Variants in PLCE1 observed in about 807,000 individuals in gnomAD.
PLCE1 encodes phospholipase C epsilon 1.
A neutral mutation model predicts 242.8 loss-of-function variants in PLCE1; 119 were observed. The ratio of observed to expected loss-of-function variants is 0.49; its 90% CI spans 0.42 to 0.57. The LOEUF is 0.57. PLCE1 is among the 20% of genes least tolerant of loss of function. The probability of loss-of-function intolerance (pLI) is 0.00; values close to 1 mark genes in which losing one functional copy is unlikely to be tolerated. For missense variants in PLCE1, 2,441 were observed against 2,788.8 expected, an observed-to-expected ratio of 0.88 and a Z score of 2.81; for synonymous variants, 945 against 1,017.4, an observed-to-expected ratio of 0.93 and a Z score of 1.35.
At position 93,994,057 on chromosome 10, in the gene PLCE1, C is replaced by T. The variant is rs987563942; in HGVS notation, c.-566C>T. ...GCGGGAGGGGCAGCGGCGGCGCGCC[C>T]GGGCTCTACCTCCCGGGCTCTGCCT... On this transcript the variant is annotated 5_prime_UTR_variant, in exon 1 of 33. Transcript: ENST00000371380. Among the ~76,000 whole-genome samples, 1 of 84,668 alleles carries T rather than the reference C, an allele frequency of 1.2e-5. No individual in the cohort carries two copies. Among genetic ancestry groups the T allele is most frequent in the African/African-American group, 3.9e-5 (1 of 25,936 alleles). The allele number at this position is 84,668 out of a possible 152,430, so 55.5% of individuals were successfully genotyped here.
At chr10:94,133,320 T>C (rs2046667522) in intron 3 of PLCE1, among the ~76,000 whole-genome samples, 1 of 152,132 alleles carries the variant, frequency 6.6e-6, no homozygotes, top group Non-Finnish European at 1.5e-5. Flanking sequence ...CATATGAACT[T>C]CCCAGCTACT....
chr10:94,105,979 A>T (rs897003353), intron 2 of PLCE1: 1 of 152,210 alleles, frequency 6.6e-6, no homozygotes, highest in Non-Finnish European at 1.5e-5. Flanking sequence ...TATCATTATT[A>T]CCATTTTACA....
chr10:94,069,713 A>T (rs1589955157), intron 2 of PLCE1, among the ~76,000 whole-genome samples: 1 of 152,354 alleles, frequency 6.6e-6, no homozygotes, highest in African/African-American at 2.4e-5. Context: ...AAGAGTTGGG[A>T]TTTAAGAACC....
In PLCE1 at chr10:94,068,737, G is replaced by A. The variant is rs76321526; in HGVS notation, c.1206+36485G>A. 4.1e-3 allele frequency among the ~76,000 whole-genome samples: 629 copies of A among 152,274 alleles called. 3 individuals are homozygous for A. Among genetic ancestry groups the A allele is most frequent in the African/African-American group, 0.014 (582 of 41,560 alleles). On this transcript the variant is annotated intron_variant, in intron 2 of 32. Transcript: ENST00000371380. Reference sequence around the variant, plus strand: ...ATTTTACAGGTGAGGAAACTGAGGCGCAGAGTGGTTAAGTAAGTTTCACTG... The same window carrying A: ...ATTTTACAGGTGAGGAAACTGAGGCACAGAGTGGTTAAGTAAGTTTCACTG...
At position 94,324,927 on chromosome 10, in the gene PLCE1, C is replaced by T. The variant is rs775767584; in HGVS notation, c.6756C>T (p.Phe2252=). 9.3e-6 allele frequency: 15 copies of T among 1,614,052 alleles called. No individual in the cohort carries two copies. Among genetic ancestry groups the T allele is most frequent in the African/African-American group, 2.7e-5 (2 of 74,932 alleles). ...AAGATAAAAAGAAAGGCATTTCTTT[C>T]GCAAGTGAACTCAAGAAGCTCACCA... The part of the protein sequence containing the change: ...SREDKKKGIS[F]ASELKKLTKS... Residue 2252 remains phenylalanine (F), a synonymous_variant, in exon 32 of 33, where the codon TTC becomes TTT. Coordinates refer to ENST00000371380, the MANE Select transcript of PLCE1 (RefSeq NM_016341.4).
At position 94,258,934 on chromosome 10, in the gene PLCE1, T is replaced by C; in HGVS notation, c.3677+12T>C. The C allele has an allele frequency of 1.2e-6, 2 of 1,614,150 alleles. No individual in the cohort carries two copies. Among genetic ancestry groups the C allele is most frequent in the Non-Finnish European group, 1.7e-6 (2 of 1,179,980 alleles). The stretch of plus-strand genomic sequence containing the variant: ...TTCAAATCATTCAGGTACAGTCTTA[T>C]GTTTCCTTCTTATTCTTTCTCAGGC... On this transcript the variant is annotated intron_variant, in intron 12 of 32. Coordinates refer to ENST00000371380, the MANE Select transcript of PLCE1 (RefSeq NM_016341.4).
intron 4 of PLCE1, among the ~76,000 whole-genome samples, chr10:94,217,096 G>A (rs2049554687): frequency 1.3e-5 from 2 of 150,956 alleles, no homozygotes. Flanking sequence ...AAAAGCACAG[G>A]CTTTTGATTT....
At chr10:94,161,340 A>G (rs2047606511) in intron 3 of PLCE1, among the ~76,000 whole-genome samples, 1 of 152,188 alleles carries the variant, frequency 6.6e-6, no homozygotes, top group Non-Finnish European at 1.5e-5. Context: ...TTCACTGAGC[A>G]GTGGTTTGTA....
intron 1 of PLCE1, among the ~76,000 whole-genome samples, chr10:93,994,598 T>A (rs1052400633): frequency 3.9e-5 from 6 of 152,232 alleles, no homozygotes; most frequent in Non-Finnish European, 7.3e-5. Context: ...TCAAGGAAAG[T>A]GCTCAAGAGA....
At chr10:94,076,126 T>C (rs1005436500) in intron 2 of PLCE1, among the ~76,000 whole-genome samples, 2 of 148,928 alleles carry the variant, frequency 1.3e-5, no homozygotes, top group Admixed American at 1.3e-4. Context: ...TGTGTGTGTG[T>C]GCGTGCGTGT....
intron 3 of PLCE1, among the ~76,000 whole-genome samples, chr10:94,156,993 CT>C (rs1044158222): frequency 1.3e-5 from 2 of 151,780 alleles, no homozygotes; most frequent in Admixed American, 6.6e-5. Context: ...TAAGAACAGC[CT>C]TTTTTTGGTG....
chr10:94,284,835 T>G lies in PLCE1; in HGVS notation c.4918-13T>G, dbSNP rs1394830392. The G allele has an allele frequency of 4.3e-6, 6 of 1,402,582 alleles. No individual in the cohort carries two copies. In the African/African-American group the frequency reaches 8.5e-5, roughly 20 times the overall value. 86.9% of individuals were successfully genotyped at this position (1,402,582 alleles called of 1,614,324 possible). On this transcript the variant is annotated splice_polypyrimidine_tract_variant and intron_variant, in intron 21 of 32. Transcript: ENST00000371380. ...ACCTTCCATGTAAAATGGTATCATT[T>G]TTCCCTTACCAGGTTTATGATATGG...
chr10:94,104,418 C>CACACAGAGATTA (rs1171856504), intron 2 of PLCE1: 1 of 152,154 alleles, frequency 6.6e-6, no homozygotes, highest in Non-Finnish European at 1.5e-5. Context: ...CTGTTTTTCT[C>CACACAGAGATTA]ACACAGAGAT....
chr10:94,131,213 C>T (rs1354328545), intron 2 of PLCE1, among the ~76,000 whole-genome samples: 2 of 152,194 alleles, frequency 1.3e-5, no homozygotes, highest in Non-Finnish European at 2.9e-5. Context: ...TATGTGTCTC[C>T]TCCGTTTGTT....
chr10:94,190,271 C>T (rs535498534), intron 4 of PLCE1, among the ~76,000 whole-genome samples: 128 of 152,168 alleles, frequency 8.4e-4, no homozygotes, highest in African/African-American at 2.9e-3. Context: ...TAGAGCCCAA[C>T]GTTGTCTCAA....
intron 22 of PLCE1, chr10:94,287,052 G>GTCTGT (rs2052475137): frequency 6.6e-6 from 1 of 152,236 alleles, no homozygotes; most frequent in African/African-American, 2.4e-5. Flanking sequence ...CTGTGTGAAA[G>GTCTGT]ATAAAGTCTC....
At chr10:94,164,962 C>T (rs967632036) in intron 3 of PLCE1, among the ~76,000 whole-genome samples, 1 of 152,186 alleles carries the variant, frequency 6.6e-6, no homozygotes, top group Non-Finnish European at 1.5e-5. Context: ...TATTGGTGAA[C>T]AGCAAATGTT....
At chr10:94,085,316 CA>C (rs2044776037) in intron 2 of PLCE1, among the ~76,000 whole-genome samples, 1 of 152,024 alleles carries the variant, frequency 6.6e-6, no homozygotes, top group South Asian at 2.1e-4. Flanking sequence ...TAACCAAAGT[CA>C]AACAACCAAG....
At chr10:94,011,830 G>A (rs1589852050) in intron 1 of PLCE1, among the ~76,000 whole-genome samples, 2 of 152,142 alleles carry the variant, frequency 1.3e-5, no homozygotes, top group East Asian at 1.9e-4. Context: ...AGAAATGGAG[G>A]GACCTTCTAC....
Sources: gnomAD v4.1 joint callset for allele counts (sites outside exome capture counted in the v4.1 genomes callset) on GRCh38, gnomAD v4.1.1 for gene constraint, MANE v1.5 for transcripts, NCBI Gene and HGNC (gene_info 2026-07-23, HGNC 2026-07-21) for gene names.